Variants in CSMD1 observed in about 807,000 individuals in gnomAD.
The protein encoded by CSMD1 is CUB and Sushi multiple domains 1.
In CSMD1, 213 loss-of-function variants were observed where a neutral mutation model predicts 417.5. The ratio of observed to expected loss-of-function variants is 0.51; its 90% CI spans 0.46 to 0.57. The LOEUF (loss-of-function observed/expected upper bound fraction) is 0.57. Ranked by LOEUF, CSMD1 falls within the 20% of genes least tolerant of loss-of-function variation. The pLI is 0.00. For missense variants in CSMD1, 6,923 were observed against 4,529.7 expected (o/e 1.53, Z -15.17); for synonymous variants, 2,862 against 1,736.8 (o/e 1.65, Z -16.11).
intron 3 of CSMD1, among the ~76,000 whole-genome samples, chr8:4,090,470 T>C (rs1800658940): frequency 6.6e-6 from 1 of 152,150 alleles, no homozygotes; most frequent in Non-Finnish European, 1.5e-5. Flanking sequence ...GGTTTTAAAA[T>C]AAAAAACAAA....
At chr8:3,201,478 T>C in intron 32 of CSMD1, 134 bp downstream of exon 32, 1 of 471,548 alleles carries the variant, frequency 2.1e-6, no homozygotes, top group South Asian at 5.6e-5. Context: ...ATAAGATTTT[T>C]CTAAGCACAC....
chr8:3,749,067 T>C (rs1797193350), intron 6 of CSMD1, among the ~76,000 whole-genome samples: 1 of 152,166 alleles, frequency 6.6e-6, no homozygotes, highest in South Asian at 2.1e-4. Context: ...TAGATGACTA[T>C]TTAGTAGTGA....
intron 3 of CSMD1, among the ~76,000 whole-genome samples, chr8:4,285,974 A>C (rs1000486837): frequency 6.6e-6 from 1 of 152,192 alleles, no homozygotes; most frequent in Admixed American, 6.6e-5. Context: ...ACACGTATGC[A>C]GTGAGTCACC....
intron 1 of CSMD1, among the ~76,000 whole-genome samples, chr8:4,712,374 C>T (rs1041615412): frequency 7.2e-5 from 11 of 152,276 alleles, no homozygotes; most frequent in Middle Eastern, 3.4e-3. Flanking sequence ...ATGGCACACA[C>T]AGAACTGTCT....
At chr8:3,861,667 G>C (rs1804718380) in intron 5 of CSMD1, among the ~76,000 whole-genome samples, 1 of 152,116 alleles carries the variant, frequency 6.6e-6, no homozygotes, top group African/African-American at 2.4e-5. Flanking sequence ...TCCTGTTATT[G>C]GAGGTCCAGA....
intron 2 of CSMD1, among the ~76,000 whole-genome samples, chr8:4,554,213 T>C (rs547010014): frequency 1.6e-4 from 24 of 152,304 alleles, no homozygotes; most frequent in African/African-American, 5.8e-4. Context: ...CTCGGCTCAC[T>C]GCAACCTATG....
chr8:3,888,592 G>A (rs1178206975), intron 5 of CSMD1, among the ~76,000 whole-genome samples: 2 of 152,116 alleles, frequency 1.3e-5, no homozygotes, highest in African/African-American at 4.8e-5. Flanking sequence ...TAATGGCCCA[G>A]CTGCATAATC....
At position 3,553,187 on chromosome 8, in the gene CSMD1, A is replaced by G. The variant is rs145142238; in HGVS notation, c.1344+21758T>C. ...TTTCATCAGTTTCAGGCTGTGCTAA[A>G]TGCAATGTAATATCACTTCATGGAT... On this transcript the variant is annotated intron_variant, in intron 10 of 69. Coordinates refer to ENST00000635120, the MANE Select transcript of CSMD1 (RefSeq NM_033225.6). Among the ~76,000 whole-genome samples the G allele has an allele frequency of 6.6e-5, 10 of 152,310 alleles. No individual in the cohort carries two copies. The East Asian group carries it at 1.9e-3, about 29-fold the overall frequency.
At chr8:4,328,117 T>C (rs1028349849) in intron 3 of CSMD1, among the ~76,000 whole-genome samples, 2 of 152,162 alleles carry the variant, frequency 1.3e-5, no homozygotes, top group African/African-American at 4.8e-5. Flanking sequence ...AGTCACTATG[T>C]CCATTTATGA....
chr8:3,278,922 C>G (rs1237569849), intron 26 of CSMD1: 2 of 152,156 alleles, frequency 1.3e-5, no homozygotes, highest in Non-Finnish European at 1.5e-5. Flanking sequence ...AGCAGGGTAA[C>G]TGGGTCAGTT....
intron 2 of CSMD1, among the ~76,000 whole-genome samples, chr8:4,443,779 A>T (rs1020925990): frequency 6.6e-6 from 1 of 152,168 alleles, no homozygotes; most frequent in African/African-American, 2.4e-5. Flanking sequence ...TATCTCTACC[A>T]AGTGTGATCT....
At chr8:4,612,876 G>C (rs1801257503) in intron 2 of CSMD1, among the ~76,000 whole-genome samples, 1 of 152,200 alleles carries the variant, frequency 6.6e-6, no homozygotes, top group Non-Finnish European at 1.5e-5. Context: ...GAGCATACTA[G>C]AATACTTTCT....
chr8:4,930,244 A>C (rs1807157257), intron 1 of CSMD1, among the ~76,000 whole-genome samples: 1 of 152,218 alleles, frequency 6.6e-6, no homozygotes, highest in Admixed American at 6.5e-5. Flanking sequence ...ATCTCGTGCT[A>C]ACTAATCACA....
chr8:4,513,509 C>G (rs1022714640), intron 2 of CSMD1, among the ~76,000 whole-genome samples: 1 of 152,110 alleles, frequency 6.6e-6, no homozygotes, highest in African/African-American at 2.4e-5. Context: ...AACATTTACT[C>G]TTTAAGTTAG....
intron 11 of CSMD1, among the ~76,000 whole-genome samples, chr8:3,488,812 C>A (rs1443257618): frequency 6.6e-6 from 1 of 152,124 alleles, no homozygotes; most frequent in Non-Finnish European, 1.5e-5. Flanking sequence ...GGCTCAAAGG[C>A]AGTGCCATTA....
At chr8:4,270,472 T>C (rs1447277273) in intron 3 of CSMD1, among the ~76,000 whole-genome samples, 1 of 152,146 alleles carries the variant, frequency 6.6e-6, no homozygotes, top group Non-Finnish European at 1.5e-5. Context: ...CGCAGAGCTT[T>C]TCTTCTCCCC....
Position 4,033,305 on chromosome 8 carries a change from G to C in CSMD1, c.416-1206C>G, listed in dbSNP as rs1193805726. Among the ~76,000 whole-genome samples the C allele has an allele frequency of 2.0e-5, 3 of 151,968 alleles. No individual in the cohort carries two copies. The East Asian group carries it at 5.8e-4, about 29-fold the overall frequency. ...AATACAAAAAAAATTAGCCGGGCGT[G>C]GTGGCGGGCACCTGTAGTCCCAGCT... On this transcript the variant is annotated intron_variant, in intron 3 of 69. Coordinates refer to ENST00000635120, the MANE Select transcript of CSMD1 (RefSeq NM_033225.6).
rs57198334 is a variant in CSMD1, at chr8:2,947,280, C to A, written c.10402+2019G>T. ...TTTCAAATTAATTTTATTTTAGTAT[C>A]CACTTAATGACAATCACGTTTTTTG... On this transcript the variant is annotated intron_variant, in intron 68 of 69. Coordinates refer to ENST00000635120, the MANE Select transcript of CSMD1 (RefSeq NM_033225.6). Among the ~76,000 whole-genome samples the A allele has an allele frequency of 4.6e-5, 7 of 152,182 alleles. No homozygotes were observed. In the East Asian group the frequency reaches 1.2e-3, roughly 25 times the overall value.
chr8:4,363,473 C>T lies in CSMD1; in HGVS notation c.415+56480G>A, dbSNP rs180763968. 3.0e-3 allele frequency among the ~76,000 whole-genome samples: 450 copies of T among 152,252 alleles called. 2 individuals carry two copies. The highest frequency in any genetic ancestry group is 0.01 in the African/African-American group (425 of 41,546). On this transcript the variant is annotated intron_variant, in intron 3 of 69. Transcript: ENST00000635120. ...CTTTCCAGCTCTATCTTCCCCACCACCCCCTCTCTGGAGGAGGAAAAGCAT... is the reference window on the plus strand; with the variant it reads ...CTTTCCAGCTCTATCTTCCCCACCATCCCCTCTCTGGAGGAGGAAAAGCAT...
Sources: gnomAD v4.1 joint callset for allele counts (sites outside exome capture counted in the v4.1 genomes callset) on GRCh38, gnomAD v4.1.1 for gene constraint, MANE v1.5 for transcripts, NCBI Gene and HGNC (gene_info 2026-07-23, HGNC 2026-07-21) for gene names.